Variants in PTPN12 observed in about 807,000 individuals in gnomAD.
PTPN12 encodes protein tyrosine phosphatase non-receptor type 12, also known as tyrosine-protein phosphatase non-receptor type 12.
A neutral mutation model predicts 97.6 loss-of-function variants in PTPN12; 29 were observed. The observed-to-expected ratio is 0.30, with a 90% CI of 0.22 to 0.41. PTPN12 has a LOEUF of 0.41. Ranked by LOEUF, PTPN12 falls within the 10% of genes least tolerant of loss-of-function variation. The pLI is 1.00. For missense variants in PTPN12, 819 were observed against 926.0 expected (o/e 0.88, Z 1.50); for synonymous variants, 327 against 300.4 (o/e 1.09, Z -0.91).
intron 15 of PTPN12, 22 bp from the exon 16 acceptor site, chr7:77,636,996 G>A (rs17382715): frequency 7.0e-6 from 11 of 1,581,304 alleles, no homozygotes; most frequent in Admixed American, 1.7e-5. Context: ...ATTGTAATAG[G>A]TATTAAATGT....
rs752673311 is a variant in PTPN12, at chr7:77,639,437, C to T, written c.*157C>T. 5.3e-6 allele frequency: 3 copies of T among 564,302 alleles called. No individual in the cohort carries two copies. Among genetic ancestry groups the T allele is most frequent in the Non-Finnish European group, 9.3e-6 (3 of 322,902 alleles). The allele number at this position is 564,302 out of a possible 1,614,324, so 35.0% of individuals were successfully genotyped here. On this transcript the variant is annotated 3_prime_UTR_variant, in exon 18 of 18. Transcript: ENST00000248594. Reference sequence around the variant, plus strand: ...GGGACCATCTACCTGCCTTATACTACACTTAGGAAAAAGTATTACATATGG... The same window carrying T: ...GGGACCATCTACCTGCCTTATACTATACTTAGGAAAAAGTATTACATATGG...
chr7:77,582,750 C>T (rs916760608), intron 3 of PTPN12, among the ~76,000 whole-genome samples: 5 of 148,334 alleles, frequency 3.4e-5, no homozygotes, highest in African/African-American at 1.0e-4. Context: ...TGCCAATGCA[C>T]TCCAGTCTGG....
chr7:77,638,196 G>T lies in PTPN12; in HGVS notation c.2174-428G>T, dbSNP rs188358658. Among the ~76,000 whole-genome samples the T allele has an allele frequency of 6.6e-4, 100 of 151,746 alleles. 1 individual carries two copies. Among genetic ancestry groups the T allele is most frequent in the Admixed American group, 4.7e-3 (72 of 15,218 alleles). ...GATGATCTCGATATCCTGACCTCAT[G>T]ATCGGCTCGCCTCGGCCTCCCAAAG... On this transcript the variant is annotated intron_variant, in intron 16 of 17. Coordinates refer to ENST00000248594, the MANE Select transcript of PTPN12 (RefSeq NM_002835.4).
chr7:77,564,756 T>G lies in PTPN12; in HGVS notation c.100-6322T>G, dbSNP rs1357557475. ...GTTTTTTGTTGTCGTGTTTTTTTTT[T>G]TTTTTTTTTTTTTTTTTTTTGAGAC... On this transcript the variant is annotated intron_variant, in intron 1 of 17. Transcript: ENST00000248594. Among the ~76,000 whole-genome samples the G allele has an allele frequency of 1.6e-4, 15 of 91,062 alleles. No individual in the cohort carries two copies. The East Asian group carries it at 3.8e-3, about 23-fold the overall frequency. The allele number at this position is 91,062 out of a possible 152,430, so 59.7% of individuals were successfully genotyped here. A position where few individuals can be genotyped will look rare whatever the true frequency, so the allele number is the denominator to read the frequency against.
chr7:77,638,843 A>G, intron 17 of PTPN12, 112 bp downstream of exon 17: 1 of 1,416,952 alleles, frequency 7.1e-7, no homozygotes, highest in Admixed American at 3.1e-5. Context: ...TGATTTTCCA[A>G]AGTTGCTTGG....
Position 77,573,110 on chromosome 7 carries a change from A to AC in PTPN12, c.208+1924_208+1925insC. The stretch of plus-strand genomic sequence containing the variant: ...AAAAAAAAAAAACAAAAAAACAAAA[A>AC]AAACCAGTGTACCTAGCACATAGTA... On this transcript the variant is annotated intron_variant, in intron 2 of 17. Coordinates refer to ENST00000248594, the MANE Select transcript of PTPN12 (RefSeq NM_002835.4). 1.4e-5 allele frequency among the ~76,000 whole-genome samples: 2 copies of AC among 145,530 alleles called. 1 individual carries two copies. Among genetic ancestry groups the AC allele is most frequent in the African/African-American group, 5.2e-5 (2 of 38,778 alleles).
intron 5 of PTPN12, among the ~76,000 whole-genome samples, chr7:77,587,624 G>A (rs1242569907): frequency 6.6e-6 from 1 of 152,204 alleles, no homozygotes; most frequent in African/African-American, 2.4e-5. Flanking sequence ...GTCACCAGCT[G>A]CATTAACCCC....
At chr7:77,586,040 G>A (rs1264422004) in intron 5 of PTPN12, among the ~76,000 whole-genome samples, 2 of 152,074 alleles carry the variant, frequency 1.3e-5, no homozygotes, top group African/African-American at 4.8e-5. Flanking sequence ...TGCAACCTCC[G>A]CCTCCCAGGT....
intron 1 of PTPN12, among the ~76,000 whole-genome samples, chr7:77,557,049 C>G (rs944624160): frequency 6.6e-6 from 1 of 152,012 alleles, no homozygotes; most frequent in Non-Finnish European, 1.5e-5. Context: ...ACACTGCAGC[C>G]TCAACCTCGT....
chr7:77,625,565 C>CTTTT (rs1179793825), intron 12 of PTPN12, among the ~76,000 whole-genome samples: 1 of 24,150 alleles, frequency 4.1e-5, no homozygotes, highest in African/African-American at 2.3e-4. Context: ...CTCTCTCTCT[C>CTTTT]TTTTTTTTTT....
intron 13 of PTPN12, among the ~76,000 whole-genome samples, chr7:77,631,305 A>G (rs1789387750): frequency 6.6e-6 from 1 of 152,304 alleles, no homozygotes. Context: ...GTCTCCAGCT[A>G]AATAAATGTA....
intron 9 of PTPN12, among the ~76,000 whole-genome samples, chr7:77,609,271 C>CT (rs1335936526): frequency 4.2e-5 from 3 of 71,360 alleles, no homozygotes; most frequent in Non-Finnish European, 4.7e-5. Context: ...TTCTCTCTCT[C>CT]TCTTTTTTTT....
intron 4 of PTPN12, among the ~76,000 whole-genome samples, chr7:77,584,213 C>CT (rs1398164611): frequency 1.3e-5 from 2 of 152,212 alleles, no homozygotes; most frequent in African/African-American, 4.8e-5. Context: ...TGCATTGATA[C>CT]TTTTCATTGT....
intron 1 of PTPN12, among the ~76,000 whole-genome samples, chr7:77,547,737 C>G (rs1410162441): frequency 1.3e-5 from 2 of 152,250 alleles, no homozygotes; most frequent in East Asian, 3.9e-4. Context: ...TGGACAGTTT[C>G]CACAAAGATG....
chr7:77,571,233 C>G lies in PTPN12; in HGVS notation c.208+47C>G, dbSNP rs771027690. The G allele has an allele frequency of 5.4e-6, 6 of 1,121,490 alleles. No homozygotes were observed. In the Admixed American group the frequency reaches 9.3e-5, roughly 17 times the overall value. 69.5% of individuals were successfully genotyped at this position (1,121,490 alleles called of 1,614,324 possible). On this transcript the variant is annotated intron_variant, in intron 2 of 17. Coordinates refer to ENST00000248594, the MANE Select transcript of PTPN12 (RefSeq NM_002835.4). ...TAAAATACATAGAAATGCTAATTAGCCTTTTGTAACCTAACTAGTTTTATT... is the reference window on the plus strand; with the variant it reads ...TAAAATACATAGAAATGCTAATTAGGCTTTTGTAACCTAACTAGTTTTATT...
At chr7:77,588,246 T>G (rs943113599) in intron 5 of PTPN12, among the ~76,000 whole-genome samples, 3 of 152,188 alleles carry the variant, frequency 2.0e-5, no homozygotes, top group African/African-American at 4.8e-5. Flanking sequence ...TTATTTAAAG[T>G]GAAAAGTTTG....
intron 9 of PTPN12, among the ~76,000 whole-genome samples, chr7:77,608,176 T>C (rs1788441590): frequency 2.0e-5 from 3 of 152,246 alleles, no homozygotes; most frequent in Admixed American, 2.0e-4. Context: ...GCCCAGATTA[T>C]AATTCTGGCT....
At chr7:77,563,434 A>G (rs1298910899) in intron 1 of PTPN12, among the ~76,000 whole-genome samples, 1 of 152,224 alleles carries the variant, frequency 6.6e-6, no homozygotes, top group East Asian at 1.9e-4. Context: ...GATATGTTCT[A>G]GATAAGAGGT....
At chr7:77,559,040 G>A (rs556527936) in intron 1 of PTPN12, among the ~76,000 whole-genome samples, 2 of 152,034 alleles carry the variant, frequency 1.3e-5, no homozygotes, top group Non-Finnish European at 2.9e-5. Flanking sequence ...AAAATAATAT[G>A]GTTTATGTTG....
Sources: gnomAD v4.1 joint callset for allele counts (sites outside exome capture counted in the v4.1 genomes callset) on GRCh38, gnomAD v4.1.1 for gene constraint, MANE v1.5 for transcripts, NCBI Gene and HGNC (gene_info 2026-07-23, HGNC 2026-07-21) for gene names.